LDAF1: variants seen among roughly 807,000 people sequenced by gnomAD.
The protein encoded by LDAF1 is PROMETHIN.
In LDAF1, 7 loss-of-function variants were observed where a neutral mutation model predicts 13.5. The ratio of observed to expected loss-of-function variants is 0.52; its 90% confidence interval spans 0.29 to 0.97. The LOEUF (loss-of-function observed/expected upper bound fraction) is 0.97, where lower values mean the gene tolerates loss of function less well. LDAF1 is among the 50% of genes least tolerant of loss of function. The pLI, the probability that LDAF1 is intolerant of heterozygous loss-of-function variation, is 0.07. For synonymous variants in LDAF1, 69 were observed against 77.1 expected (o/e 0.89, Z 0.55); for missense variants, 148 against 193.2 (o/e 0.77, Z 1.39).
rs765461992 is a variant in LDAF1, at chr16:21,159,466, C to T, written c.-99+720C>T. 16 of 1,607,538 alleles carry T rather than the reference C, an allele frequency of 1.0e-5. No individual in the cohort carries two copies. In the Admixed American group the frequency reaches 2.5e-4, roughly 25 times the overall value. Reference sequence around the variant, plus strand: ...TCCCCCAACCAGAGATGTGACCCCTCCTCCCAGCTTGAACTTTCGAGGTAG... The same window carrying T: ...TCCCCCAACCAGAGATGTGACCCCTTCTCCCAGCTTGAACTTTCGAGGTAG... On this transcript the variant is annotated intron_variant, in intron 1 of 4. Coordinates refer to ENST00000233047, the MANE Select transcript of LDAF1 (RefSeq NM_001301771.2).
chr16:21,167,638 T>C (rs1422001792), intron 2 of LDAF1, among the ~76,000 whole-genome samples: 2 of 150,856 alleles, frequency 1.3e-5, no homozygotes, highest in African/African-American at 4.9e-5. Flanking sequence ...GCATTTTTAC[T>C]TGATGTGGTG....
chr16:21,171,417 A>G (rs2093087372), intron 3 of LDAF1, among the ~76,000 whole-genome samples: 1 of 152,216 alleles, frequency 6.6e-6, no homozygotes, highest in Non-Finnish European at 1.5e-5. Flanking sequence ...GGCAGTTTAC[A>G]CTTGAAGGAG....
At chr16:21,172,747 C>T (rs1296196797) in intron 3 of LDAF1, 10 of 696,442 alleles carry the variant, frequency 1.4e-5, no homozygotes, top group Admixed American at 6.3e-5. Context: ...CCTTGATGCA[C>T]CTGATTCTGA....
chr16:21,175,519 AG>A (rs2152849982), intron 4 of LDAF1, among the ~76,000 whole-genome samples: 1 of 152,358 alleles, frequency 6.6e-6, no homozygotes, highest in Non-Finnish European at 1.5e-5. Flanking sequence ...AGGGCCAGAT[AG>A]TAAGTATTTA....
At chr16:21,163,392 T>A (rs2092994823) in intron 2 of LDAF1, among the ~76,000 whole-genome samples, 1 of 152,144 alleles carries the variant, frequency 6.6e-6, no homozygotes, top group African/African-American at 2.4e-5. Flanking sequence ...ACACCTGTAA[T>A]CCTAGTACTT....
At chr16:21,159,949 G>A (rs973962987) in intron 1 of LDAF1, 2 of 985,154 alleles carry the variant, frequency 2.0e-6, no homozygotes, top group Non-Finnish European at 2.4e-6. Context: ...GAGAATGTGG[G>A]GTGGTGGGAT....
In LDAF1 at chr16:21,169,389, A is replaced by G. The variant is rs146163815; in HGVS notation, c.97-1048A>G. ...GTGGTGCAATCCATAGTTCACTGCA[A>G]CCTCAAACTCCTGGGCTCCAGTGAT... On this transcript the variant is annotated intron_variant, in intron 2 of 4. Coordinates refer to ENST00000233047, the MANE Select transcript of LDAF1 (RefSeq NM_001301771.2). Among the ~76,000 whole-genome samples, 36 of 152,040 alleles carry G rather than the reference A, an allele frequency of 2.4e-4. 1 individual carries two copies. In the South Asian group the frequency reaches 3.7e-3, roughly 16 times the overall value.
chr16:21,170,529 C>T lies in LDAF1; in HGVS notation c.189C>T (p.Ala63=), dbSNP rs200493775. ...TGCTGGTGTTCATTGTCATGTCGGC[C>T]GTTCCTGTTGGATTCTTCCTGCTCA... ...FTLLVFIVMS[A]VPVGFFLLIV... Residue 63 remains alanine, a synonymous_variant, in exon 3 of 5, where the codon GCC becomes GCT. Transcript: ENST00000233047. 2.0e-5 allele frequency: 33 copies of T among 1,614,054 alleles called. No individual in the cohort carries two copies. The East Asian group carries it at 3.6e-4, about 17-fold the overall frequency.
At chr16:21,163,049 A>G (rs1252761909) in intron 2 of LDAF1, among the ~76,000 whole-genome samples, 1 of 152,234 alleles carries the variant, frequency 6.6e-6, no homozygotes, top group African/African-American at 2.4e-5. Flanking sequence ...AGGGCCAACA[A>G]CAGTACTATG....
At position 21,179,645 on chromosome 16, in the gene LDAF1, A is replaced by G; in HGVS notation, c.*89A>G. The G allele has an allele frequency of 8.6e-7, 1 of 1,167,578 alleles. No homozygotes were observed. The allele number at this position is 1,167,578 out of a possible 1,614,324, so 72.3% of individuals were successfully genotyped here. A position where few individuals can be genotyped will look rare whatever the true frequency, so the allele number is the denominator to read the frequency against. On this transcript the variant is annotated 3_prime_UTR_variant, in exon 5 of 5. Coordinates refer to ENST00000233047, the MANE Select transcript of LDAF1 (RefSeq NM_001301771.2). Reference sequence around the variant, plus strand: ...ATGGCTTAGAAGAAGGGGGCTGGGTAGGCAAGCACTCCTTGGCTGTGTCCT... The same window carrying G: ...ATGGCTTAGAAGAAGGGGGCTGGGTGGGCAAGCACTCCTTGGCTGTGTCCT...
At chr16:21,174,414 C>A (rs1387615837) in intron 4 of LDAF1, among the ~76,000 whole-genome samples, 1 of 152,066 alleles carries the variant, frequency 6.6e-6, no homozygotes, top group Non-Finnish European at 1.5e-5. Context: ...CCAGGCTGTT[C>A]TCTAATTCCT....
chr16:21,178,406 G>A, intron 4 of LDAF1: 3 of 985,054 alleles, frequency 3.0e-6, no homozygotes, highest in Non-Finnish European at 3.6e-6. Context: ...TGTTATCAGG[G>A]AGGAATGGTT....
intron 4 of LDAF1, among the ~76,000 whole-genome samples, chr16:21,178,594 A>G (rs1438244108): frequency 1.3e-5 from 2 of 152,206 alleles, no homozygotes; most frequent in South Asian, 2.1e-4. Flanking sequence ...TTGGTTTCCT[A>G]CCTTATGGCC....
chr16:21,160,245 T>C (rs545011633), intron 1 of LDAF1, among the ~76,000 whole-genome samples: 2 of 150,256 alleles, frequency 1.3e-5, no homozygotes, highest in African/African-American at 4.9e-5. Flanking sequence ...TTCTGGGAAA[T>C]ATAAAATAAG....
chr16:21,167,525 A>G (rs2093035459), intron 2 of LDAF1, among the ~76,000 whole-genome samples: 1 of 152,142 alleles, frequency 6.6e-6, no homozygotes, highest in African/African-American at 2.4e-5. Context: ...CAGATCGAAA[A>G]TTCCTTTTTG....
At position 21,170,484 on chromosome 16, in the gene LDAF1, T is replaced by TCA. The variant is rs2093076588; in HGVS notation, c.145_146insAC (p.Pro49HisfsTer38). On this transcript the variant is annotated frameshift_variant, in exon 3 of 5. Coordinates refer to ENST00000233047, the MANE Select transcript of LDAF1 (RefSeq NM_001301771.2). LOFTEE classifies it high-confidence loss of function. ...CAGTGGGTCAGTACTTGGACAGCCA[T>TCA]CCGTTTCTGGCCTTCACCTTGCTGG... 1 of 1,614,036 alleles carries TCA rather than the reference T, an allele frequency of 6.2e-7. No individual in the cohort carries two copies. The highest frequency in any genetic ancestry group is 1.3e-5 in the African/African-American group (1 of 74,916).
chr16:21,166,426 AGTC>A (rs1049639063), intron 2 of LDAF1, among the ~76,000 whole-genome samples: 5 of 152,242 alleles, frequency 3.3e-5, no homozygotes, highest in African/African-American at 1.2e-4. Flanking sequence ...AACTGAATCA[AGTC>A]TCAGCTTTAA....
intron 3 of LDAF1, chr16:21,172,973 T>TGTTCTTC: frequency 3.7e-6 from 1 of 272,002 alleles, no homozygotes; most frequent in Non-Finnish European, 5.6e-6. Flanking sequence ...CCATGTTACT[T>TGTTCTTC]GTTCTTCATG....
intron 2 of LDAF1, chr16:21,167,015 G>A: frequency 9.4e-7 from 1 of 1,066,276 alleles, no homozygotes; most frequent in East Asian, 2.6e-5. Flanking sequence ...AGGTCAGCGG[G>A]CATTATGCCG....
Sources: allele counts gnomAD v4.1 joint callset (sites outside exome capture counted in the v4.1 genomes callset), GRCh38; gene constraint gnomAD v4.1.1; transcripts MANE v1.5; gene names NCBI Gene and HGNC (gene_info 2026-07-23, HGNC 2026-07-21).